CADM2: variants seen among roughly 807,000 people sequenced by gnomAD.
CADM2 encodes cell adhesion molecule 2, also known as immunoglobulin superfamily member 4D.
Under a neutral mutation model 49.8 loss-of-function variants are expected in CADM2, and 12 were observed. The observed-to-expected ratio is 0.24, with a 90% confidence interval of 0.15 to 0.39. CADM2 has a LOEUF of 0.39. Among genes scored for constraint, CADM2 ranks in the 10% least tolerant of loss-of-function variants. CADM2 has a pLI of 1.00. For synonymous variants in CADM2, 214 were observed against 175.4 expected (o/e 1.22, Z -1.74); for missense variants, 378 against 492.3 (o/e 0.77, Z 2.20).
At chr3:85,725,093 A>T (rs2067648615) in intron 1 of CADM2, among the ~76,000 whole-genome samples, 1 of 151,912 alleles carries the variant, frequency 6.6e-6, no homozygotes, top group Non-Finnish European at 1.5e-5. Context: ...GTGAAATAAA[A>T]GAGTTTGAAT....
rs1453749773 is a variant in CADM2, at chr3:86,073,814, T to C, written c.*7031T>C. 6.6e-6 allele frequency: 1 copy of C among 151,994 alleles called. No homozygotes were observed. 9.4% of individuals were successfully genotyped at this position (151,994 alleles called of 1,614,324 possible). On this transcript the variant is annotated 3_prime_UTR_variant, in exon 10 of 10. Transcript: ENST00000383699. ...TTATTTTGAATACCTTTTTTTCAAC[T>C]TCATACATTATCCATCCATTTTAGT...
At chr3:85,364,867 TACAACAACAACAACAACAACAACA>T (rs57254550) in intron 1 of CADM2, among the ~76,000 whole-genome samples, 2 of 147,214 alleles carry the variant, frequency 1.4e-5, no homozygotes, top group Non-Finnish European at 3.0e-5. Context: ...TGCTTGTTCC[TACAACAACAACAACAACAACAACA>T]ACAACAACAA....
intron 1 of CADM2, among the ~76,000 whole-genome samples, chr3:85,358,202 C>G (rs1241933467): frequency 6.6e-6 from 1 of 152,002 alleles, no homozygotes; most frequent in African/African-American, 2.4e-5. Context: ...ATCTTGTCCC[C>G]CAGTTGTCAC....
chr3:85,798,021 CT>C (rs1208262081), intron 2 of CADM2, among the ~76,000 whole-genome samples: 3 of 151,604 alleles, frequency 2.0e-5, no homozygotes, highest in African/African-American at 2.4e-5. Flanking sequence ...TGATGATGAA[CT>C]TTTTTTTTCA....
At chr3:85,198,972 C>CACTCCTCTCTA (rs1416274339) in intron 1 of CADM2, among the ~76,000 whole-genome samples, 3 of 151,836 alleles carry the variant, frequency 2.0e-5, no homozygotes, top group African/African-American at 7.2e-5. Context: ...ATGTTGTCTT[C>CACTCCTCTCTA]ACTCCTCTCT....
intron 1 of CADM2, among the ~76,000 whole-genome samples, chr3:85,524,976 G>A (rs537545520): frequency 1.3e-5 from 2 of 152,024 alleles, no homozygotes; most frequent in South Asian, 4.2e-4. Flanking sequence ...CTTTCCTTGG[G>A]AGTGGAACAT....
At chr3:85,140,298 T>C (rs1211580118) in intron 1 of CADM2, among the ~76,000 whole-genome samples, 1 of 152,224 alleles carries the variant, frequency 6.6e-6, no homozygotes, top group Non-Finnish European at 1.5e-5. Flanking sequence ...ATTAAATTCT[T>C]TCTTAACAAA....
chr3:85,294,286 A>T (rs1379200303), intron 1 of CADM2, among the ~76,000 whole-genome samples: 3 of 152,188 alleles, frequency 2.0e-5, no homozygotes, highest in African/African-American at 7.2e-5. Context: ...AAGGAAATAA[A>T]AGAGGATACA....
chr3:85,257,108 T>G (rs1169104723), intron 1 of CADM2, among the ~76,000 whole-genome samples: 1 of 152,112 alleles, frequency 6.6e-6, no homozygotes, highest in Non-Finnish European at 1.5e-5. Flanking sequence ...AGTAATTTGC[T>G]GATGTGCTCA....
chr3:85,946,508 A>G (rs897763024), intron 7 of CADM2, among the ~76,000 whole-genome samples: 1 of 152,164 alleles, frequency 6.6e-6, no homozygotes, highest in African/African-American at 2.4e-5. Context: ...GCATCATGCT[A>G]CTTGACTTCA....
At chr3:85,912,651 C>A (rs1717770528) in intron 6 of CADM2, 108 bp downstream of exon 6, 1 of 1,112,760 alleles carries the variant, frequency 9.0e-7, no homozygotes, top group Non-Finnish European at 1.3e-6. Context: ...GCAGTAAAAT[C>A]CACGGCAAAA....
chr3:85,859,724 G>A (rs2075451638), intron 3 of CADM2, among the ~76,000 whole-genome samples: 4 of 152,150 alleles, frequency 2.6e-5, no homozygotes, highest in Admixed American at 2.6e-4. Context: ...TGCTAGGGCA[G>A]TACCTACCTG....
chr3:85,744,280 A>G (rs939617892), intron 2 of CADM2, among the ~76,000 whole-genome samples: 1 of 152,282 alleles, frequency 6.6e-6, no homozygotes, highest in South Asian at 2.1e-4. Flanking sequence ...CAAAGAATGA[A>G]TAAGATTGAA....
intron 8 of CADM2, among the ~76,000 whole-genome samples, chr3:86,051,753 G>A (rs1394291573): frequency 2.6e-5 from 4 of 152,090 alleles, no homozygotes; most frequent in East Asian, 1.9e-4. Context: ...AGAGAGCCGA[G>A]GGAGGTGCTA....
At chr3:85,343,124 G>A (rs2030111551) in intron 1 of CADM2, among the ~76,000 whole-genome samples, 1 of 152,152 alleles carries the variant, frequency 6.6e-6, no homozygotes, top group East Asian at 1.9e-4. Flanking sequence ...CTGACATCTA[G>A]TGGGTAGGGG....
intron 1 of CADM2, among the ~76,000 whole-genome samples, chr3:85,125,317 A>G (rs1263986951): frequency 1.3e-5 from 2 of 152,180 alleles, no homozygotes; most frequent in Non-Finnish European, 2.9e-5. Context: ...AGTGAACCAT[A>G]GCAGATATGA....
At chr3:84,968,602 G>C (rs1364709462) in intron 1 of CADM2, among the ~76,000 whole-genome samples, 1 of 152,014 alleles carries the variant, frequency 6.6e-6, no homozygotes, top group Admixed American at 6.6e-5. Context: ...ATTCACCATT[G>C]TGATACATAA....
At chr3:85,442,305 C>G (rs534891528) in intron 1 of CADM2, among the ~76,000 whole-genome samples, 4 of 151,972 alleles carry the variant, frequency 2.6e-5, no homozygotes, top group African/African-American at 9.6e-5. Flanking sequence ...TGACAGAATT[C>G]TCCTTCACAC....
At chr3:86,013,493 G>A (rs1394810688) in intron 8 of CADM2, 2 of 1,603,550 alleles carry the variant, frequency 1.2e-6, no homozygotes, top group Non-Finnish European at 1.7e-6. Context: ...TTCTGAGAAA[G>A]CGCTTTGAGA....
Sources: gnomAD v4.1 joint callset for allele counts (sites outside exome capture counted in the v4.1 genomes callset) on GRCh38, gnomAD v4.1.1 for gene constraint, MANE v1.5 for transcripts, NCBI Gene and HGNC (gene_info 2026-07-23, HGNC 2026-07-21) for gene names.